BRF1: variants seen among roughly 807,000 people sequenced by gnomAD.
The protein encoded by BRF1 is transcription factor IIIB 90 kDa subunit.
BRF1 carries 59 observed loss-of-function variants against 81.7 expected under a neutral mutation model. The ratio of observed to expected loss-of-function variants is 0.72; its 90% confidence interval spans 0.59 to 0.90. The LOEUF (loss-of-function observed/expected upper bound fraction) is 0.90, where lower values mean the gene tolerates loss of function less well. BRF1 is among the 40% of genes least tolerant of loss of function. BRF1 has a pLI of 0.00. For missense variants in BRF1, 1,050 were observed against 936.3 expected, an observed-to-expected ratio of 1.12 and a Z score of -1.58; for synonymous variants, 491 against 395.6, an observed-to-expected ratio of 1.24 and a Z score of -2.86.
chr14:105,291,930 G>A (rs1351913697), intron 1 of BRF1, among the ~76,000 whole-genome samples: 3 of 152,170 alleles, frequency 2.0e-5, no homozygotes, highest in South Asian at 2.1e-4. Context: ...CCCGGGAGGC[G>A]GAGGCTGCAG....
At chr14:105,214,092 T>G (rs1345386058) in intron 15 of BRF1, among the ~76,000 whole-genome samples, 1 of 152,186 alleles carries the variant, frequency 6.6e-6, no homozygotes, top group African/African-American at 2.4e-5. Flanking sequence ...GGCTGCTCCC[T>G]CTCGCAGCCG....
chr14:105,221,658 G>A lies in BRF1; in HGVS notation c.1305C>T (p.Ser435=), dbSNP rs1386363955. ...CCCATCAGAACTCACTGGGGTCGCT[G>A]CTCTGAGAGGAGATGCATTCGCGGA... ...DSIRECISSQ[S]SDPKDASGDG... The change falls in exon 11 of 18, where the codon AGC becomes AGT. Residue 435 remains serine (S), a synonymous_variant. Coordinates refer to ENST00000547530, the MANE Select transcript of BRF1 (RefSeq NM_001519.4). 1.9e-6 allele frequency: 3 copies of A among 1,610,898 alleles called. No homozygotes were observed. Among genetic ancestry groups the A allele is most frequent in the Non-Finnish European group, 2.5e-6 (3 of 1,179,744 alleles).
intron 11 of BRF1, among the ~76,000 whole-genome samples, 158 bp from the exon 12 acceptor site, chr14:105,220,288 A>G (rs757867818): frequency 1.2e-4 from 19 of 152,214 alleles, no homozygotes; most frequent in Non-Finnish European, 2.4e-4. Flanking sequence ...GTCTGCCCAC[A>G]TGACCGCACC....
rs1320684921 is a variant in BRF1 at position 105,252,598 on chromosome 14, A to G, written c.472-19T>C. On this transcript the variant is annotated intron_variant, in intron 4 of 17. Transcript: ENST00000547530. ...CATTCACCTGAGATGGAGAGATCAC[A>G]ACCAGAAACAGCATTGGTATTTAAG... 3.1e-5 allele frequency: 49 copies of G among 1,606,096 alleles called. No individual in the cohort carries two copies. Among genetic ancestry groups the G allele is most frequent in the Admixed American group, 5.2e-5 (3 of 57,698 alleles).
intron 1 of BRF1, among the ~76,000 whole-genome samples, chr14:105,295,981 T>C (rs2057723220): frequency 6.8e-6 from 1 of 147,806 alleles, no homozygotes; most frequent in South Asian, 2.1e-4. Context: ...CTCAGGAGGC[T>C]GAGGCAGGAG....
At chr14:105,226,577 TG>T in intron 8 of BRF1, 56 bp downstream of exon 8, 1 of 1,607,124 alleles carries the variant, frequency 6.2e-7, no homozygotes. Context: ...TCGGGGTGTG[TG>T]GCTTCCCCCC....
intron 10 of BRF1, among the ~76,000 whole-genome samples, chr14:105,225,410 C>A (rs980434831): frequency 6.6e-6 from 1 of 152,164 alleles, no homozygotes; most frequent in Admixed American, 6.5e-5. Context: ...CCTCATTATA[C>A]CCGCTTATAC....
intron 3 of BRF1, among the ~76,000 whole-genome samples, chr14:105,262,329 G>C (rs969452392): frequency 6.6e-6 from 1 of 152,218 alleles, no homozygotes; most frequent in African/African-American, 2.4e-5. Flanking sequence ...GTGTGGCACA[G>C]AGCAGGTGCT....
chr14:105,211,219 G>T lies in BRF1; in HGVS notation c.1899C>A (p.Pro633=). 1 of 1,611,248 alleles carries T rather than the reference G, an allele frequency of 6.2e-7. No individual in the cohort carries two copies. The change falls in exon 17 of 18, where the codon CCC becomes CCA. Residue 633 remains proline, a synonymous_variant. Transcript: ENST00000547530. ...CCTCCTCGTCGGCGTGGTATGACAC[G>T]GGCCCGCTCTCCACCAGCACCGCCT... is the stretch of plus-strand genomic sequence containing the variant. The part of the protein sequence containing the change: ...RPQAVLVESG[P]VSYHADEEAD...
At chr14:105,279,668 A>C (rs1265581757) in intron 2 of BRF1, among the ~76,000 whole-genome samples, 2 of 152,142 alleles carry the variant, frequency 1.3e-5, no homozygotes, top group Non-Finnish European at 2.9e-5. Context: ...TGATGAGCAC[A>C]CCCAGACCTC....
chr14:105,249,675 A>G, intron 5 of BRF1: 1 of 1,613,216 alleles, frequency 6.2e-7, no homozygotes, highest in Non-Finnish European at 8.5e-7. Flanking sequence ...CTGGAAGCCG[A>G]CACGGTGCTG....
Position 105,309,229 on chromosome 14 carries a change from G to A in BRF1, c.-162+6093C>T, listed in dbSNP as rs2058277992. On this transcript the variant is annotated intron_variant, in intron 1 of 17. Transcript: ENST00000327359. The surrounding 1 kb of genome is among the most constrained non-coding windows in gnomAD (Gnocchi z 4.0). ...GAAAGAAAGAAGTGTTAAAATTTAT[G>A]CATCAAGGTCCCTCTTAATCTTGGG... is the stretch of plus-strand genomic sequence containing the variant. Among the ~76,000 whole-genome samples, 1 of 152,150 alleles carries A rather than the reference G, an allele frequency of 6.6e-6. No homozygotes were observed. Among genetic ancestry groups the A allele is most frequent in the African/African-American group, 2.4e-5 (1 of 41,424 alleles).
At chr14:105,215,253 TAC>T (rs1890913916) in intron 15 of BRF1, among the ~76,000 whole-genome samples, 1 of 150,920 alleles carries the variant, frequency 6.6e-6, no homozygotes, top group Non-Finnish European at 1.5e-5. Context: ...ACACAGTGTA[TAC>T]AGACACATGC....
chr14:105,210,207 C>T lies in BRF1; in HGVS notation c.*344G>A. On this transcript the variant is annotated 3_prime_UTR_variant, in exon 18 of 18. Coordinates refer to ENST00000547530, the MANE Select transcript of BRF1 (RefSeq NM_001519.4). This position sits in a 1 kb window ranked among gnomAD's most constrained non-coding sequence, Gnocchi z 4.7. ...TCAGCCCTCCACACACTTGGACCAG[C>T]AGTGGGGCTGCCCCAAGCCTGTTTC... 2.8e-6 allele frequency: 1 copy of T among 360,074 alleles called. No homozygotes were observed. Among genetic ancestry groups the T allele is most frequent in the Non-Finnish European group, 5.2e-6 (1 of 191,164 alleles). The allele number at this position is 360,074 out of a possible 1,614,324, so 22.3% of individuals were successfully genotyped here. A position where few individuals can be genotyped will look rare whatever the true frequency, so the allele number is the denominator to read the frequency against.
upstream of BRF1, among the ~76,000 whole-genome samples, chr14:105,303,077 T>C (rs587732877): frequency 7.2e-5 from 11 of 152,200 alleles, no homozygotes; most frequent in South Asian, 2.3e-3. Flanking sequence ...TACAGGCATG[T>C]GCCACCACGC....
Position 105,228,888 on chromosome 14 carries a change from A to G in BRF1, c.720T>C (p.His240=). ...CCTCCTTCACAGTCCTCCTGAAGTCATGCATTCTGGCTGCAACCAGGAGCG... is the reference window on the plus strand; with the variant it reads ...CCTCCTTCACAGTCCTCCTGAAGTCGTGCATTCTGGCTGCAACCAGGAGCG... ...GAALLVAARM[H]DFRRTVKEVI... Residue 240 remains histidine (H), a synonymous_variant, in exon 7 of 18, where the codon CAT becomes CAC. Coordinates refer to ENST00000547530, the MANE Select transcript of BRF1 (RefSeq NM_001519.4). The G allele has an allele frequency of 2.5e-6, 4 of 1,613,754 alleles. No homozygotes were observed. The highest frequency in any genetic ancestry group is 1.7e-5 in the Admixed American group (1 of 60,026).
intron 3 of BRF1, among the ~76,000 whole-genome samples, chr14:105,266,556 T>G (rs948578913): frequency 2.6e-5 from 4 of 151,916 alleles, no homozygotes; most frequent in Admixed American, 2.0e-4. Flanking sequence ...CTTGGAAAAT[T>G]AGAAAGCAAG....
At chr14:105,211,985 T>C in intron 16 of BRF1, 128 bp downstream of exon 16, 1 of 1,368,580 alleles carries the variant, frequency 7.3e-7, no homozygotes, top group South Asian at 1.2e-5. Flanking sequence ...CAGGCAAGTA[T>C]GGGGCAGCAG....
At chr14:105,314,968 A>T in intron 1 of BRF1, 1 of 1,223,330 alleles carries the variant, frequency 8.2e-7, no homozygotes, top group African/African-American at 1.6e-5. Flanking sequence ...GGCGCGCTCA[A>T]CACGCCCGTG....
Sources: allele counts gnomAD v4.1 joint callset (sites outside exome capture counted in the v4.1 genomes callset), GRCh38; gene constraint gnomAD v4.1.1; non-coding constraint Gnocchi (gnomAD v3.1); transcripts MANE v1.5; gene names NCBI Gene and HGNC (gene_info 2026-07-23, HGNC 2026-07-21).